The following TET1 variants were observed in gnomAD, a reference collection of about 807,000 sequenced individuals.
The protein encoded by TET1 is tet methylcytosine dioxygenase 1, also known as methylcytosine dioxygenase TET1.
A neutral mutation model predicts 148.7 loss-of-function variants in TET1; 13 were observed. The ratio of observed to expected loss-of-function variants is 0.09; its 90% confidence interval spans 0.06 to 0.14. The LOEUF (loss-of-function observed/expected upper bound fraction) is 0.14. Among genes scored for constraint, TET1 ranks in the 10% least tolerant of loss-of-function variants. TET1 has a pLI of 1.00. For missense variants in TET1, 2,182 were observed against 2,553.8 expected (o/e 0.85, Z 3.14); for synonymous variants, 907 against 937.2 (o/e 0.97, Z 0.59).
intron 6 of TET1, among the ~76,000 whole-genome samples, chr10:68,662,864 T>C (rs1336075185): frequency 6.6e-6 from 1 of 152,118 alleles, no homozygotes; most frequent in Non-Finnish European, 1.5e-5. Context: ...CTGCATACAG[T>C]GAGCCATGAT....
intron 11 of TET1, among the ~76,000 whole-genome samples, chr10:68,687,123 T>A (rs1418495943): frequency 6.6e-6 from 1 of 151,330 alleles, no homozygotes. Context: ...TCCTGACCTC[T>A]TGATCCGCCC....
At chr10:68,595,870 C>A (rs2053972463) in intron 2 of TET1, among the ~76,000 whole-genome samples, 4 of 110,352 alleles carry the variant, frequency 3.6e-5, no homozygotes, top group Admixed American at 2.0e-4. Flanking sequence ...CCCGCCATGG[C>A]CTCCCAAAGT....
At chr10:68,587,749 T>A (rs1270759193) in intron 2 of TET1, among the ~76,000 whole-genome samples, 1 of 152,198 alleles carries the variant, frequency 6.6e-6, no homozygotes, top group Non-Finnish European at 1.5e-5. Flanking sequence ...AACATTTTTT[T>A]GAGGGGCAGA....
intron 3 of TET1, among the ~76,000 whole-genome samples, chr10:68,606,609 A>AC (rs2054128681): frequency 6.8e-6 from 1 of 147,772 alleles, no homozygotes; most frequent in Admixed American, 6.8e-5. Context: ...ACAAAAACAA[A>AC]AAAAAAAACA....
chr10:68,632,521 T>A, intron 3 of TET1: 1 of 1,612,676 alleles, frequency 6.2e-7, no homozygotes. Flanking sequence ...ACATTTTTTG[T>A]TCACTAGTAG....
chr10:68,633,368 G>T (rs564926353), intron 3 of TET1, among the ~76,000 whole-genome samples: 16 of 148,314 alleles, frequency 1.1e-4, no homozygotes, highest in South Asian at 4.3e-4. Flanking sequence ...TTTATACTGG[G>T]TTTTTTTTTT....
Position 68,573,955 on chromosome 10 carries a change from C to G in TET1, c.1617C>G (p.Ser539Arg), listed in dbSNP as rs760230649. ...CCCAACTCTCTCAGGCTGGTCCTAG[C>G]AAATCAGACAGAGGGAGCTCCCAGG... ...GIAQLSQAGP[S>R]KSDRGSSQVS... The change falls in exon 2 of 12, where the codon AGC (serine) becomes AGG (arginine). Residue 539 changes from serine to arginine, a missense_variant. Ser to Arg is a moderately radical substitution (Grantham distance 110, BLOSUM62 -1). Transcript: ENST00000373644. 6.2e-7 allele frequency: 1 copy of G among 1,614,064 alleles called. No homozygotes were observed. The highest frequency in any genetic ancestry group is 1.3e-5 in the African/African-American group (1 of 74,924).
At chr10:68,576,252 C>T (rs1664951636) in intron 2 of TET1, among the ~76,000 whole-genome samples, 1 of 150,916 alleles carries the variant, frequency 6.6e-6, no homozygotes, top group Non-Finnish European at 1.5e-5. Context: ...TTTGGAGGCT[C>T]AGGCACAAGA....
intron 3 of TET1, among the ~76,000 whole-genome samples, chr10:68,609,212 A>T (rs1374676906): frequency 1.3e-5 from 2 of 151,672 alleles, no homozygotes; most frequent in African/African-American, 4.9e-5. Context: ...CCCAGGCTGG[A>T]GTGCAATGGC....
chr10:68,652,693 C>T, intron 6 of TET1, 99 bp downstream of exon 6: 1 of 825,272 alleles, frequency 1.2e-6, no homozygotes, highest in African/African-American at 1.8e-5. Flanking sequence ...TTTATTTATT[C>T]ATTTATTTAT....
At chr10:68,627,692 C>T (rs770441429) in intron 3 of TET1, among the ~76,000 whole-genome samples, 7 of 151,392 alleles carry the variant, frequency 4.6e-5, no homozygotes, top group Non-Finnish European at 8.8e-5. Context: ...TCTGGGAGGC[C>T]GAGACGGCAA....
At chr10:68,597,200 A>G (rs1392124718) in intron 2 of TET1, among the ~76,000 whole-genome samples, 1 of 151,556 alleles carries the variant, frequency 6.6e-6, no homozygotes, top group Non-Finnish European at 1.5e-5. Context: ...CTCCTGGCTA[A>G]TTTTTGTATT....
At position 68,572,633 on chromosome 10, in the gene TET1, T is replaced by A. The variant is rs2053682810; in HGVS notation, c.295T>A (p.Cys99Ser). 6.2e-7 allele frequency: 1 copy of A among 1,614,146 alleles called. No individual in the cohort carries two copies. The highest frequency in any genetic ancestry group is 1.3e-5 in the African/African-American group (1 of 75,024). ...VLFQNPESLT[C>S]NGFTMALRST... ...TTTTCAGAACCCAGAGTCCTTAACC[T>A]GCAATGGGTTTACAATGGCGCTACG... The change falls in exon 2 of 12, where the codon TGC (cysteine) becomes AGC (serine). Residue 99 changes from cysteine (C) to serine (S), a missense_variant. This residue lies in a region of TET1 where 665 missense variants were observed against 672.4 expected (regional missense o/e 0.99). Coordinates refer to ENST00000373644, the MANE Select transcript of TET1 (RefSeq NM_030625.3).
intron 2 of TET1, among the ~76,000 whole-genome samples, chr10:68,597,902 C>G (rs2132862356): frequency 1.3e-5 from 2 of 152,124 alleles, no homozygotes; most frequent in East Asian, 3.9e-4. Flanking sequence ...ATAGGAGGTA[C>G]TTAGAGTAGT....
Position 68,573,767 on chromosome 10 carries a change from C to T in TET1, c.1429C>T (p.Pro477Ser), listed in dbSNP as rs1461980547. The change falls in exon 2 of 12, where the codon CCT becomes TCT. Residue 477 changes from proline to serine, a missense_variant. This residue lies in a region of TET1 where 665 missense variants were observed against 672.4 expected (regional missense o/e 0.99). Coordinates refer to ENST00000373644, the MANE Select transcript of TET1 (RefSeq NM_030625.3). ...TTTGCCTTTGGGCTCAGGACACACT[C>T]CTCAATCATCATCAAACTCAGAGAA... The part of the protein sequence containing the change: ...QILPLGSGHT[P>S]QSSSNSEKNS... 1.2e-6 allele frequency: 2 copies of T among 1,614,092 alleles called. No homozygotes were observed. The highest frequency in any genetic ancestry group is 1.6e-4 in the Middle Eastern group (1 of 6,062).
At chr10:68,638,360 T>C (rs754173989) in intron 3 of TET1, among the ~76,000 whole-genome samples, 5 of 152,238 alleles carry the variant, frequency 3.3e-5, no homozygotes, top group Non-Finnish European at 7.3e-5. Flanking sequence ...GTGTTTCACA[T>C]AATACTTTGT....
chr10:68,673,437 G>T, intron 8 of TET1: 1 of 411,824 alleles, frequency 2.4e-6, no homozygotes, highest in Non-Finnish European at 4.9e-6. Context: ...ACGTAATCCA[G>T]AAAGAAGATA....
intron 2 of TET1, among the ~76,000 whole-genome samples, chr10:68,588,244 A>G (rs1221118965): frequency 6.6e-6 from 1 of 152,162 alleles, no homozygotes; most frequent in Admixed American, 6.6e-5. Flanking sequence ...CAGACTCACA[A>G]AGTGCAGGGA....
chr10:68,566,274 A>G (rs1020688260), intron 1 of TET1, among the ~76,000 whole-genome samples: 1 of 152,222 alleles, frequency 6.6e-6, no homozygotes, highest in Non-Finnish European at 1.5e-5. Flanking sequence ...CAAGAGAGAA[A>G]GCATGCTTTT....
Sources: gnomAD v4.1 joint callset for allele counts (sites outside exome capture counted in the v4.1 genomes callset) on GRCh38, gnomAD v4.1.1 for gene constraint, gnomAD v4.1.1 regional missense constraint, MANE v1.5 for transcripts, NCBI Gene and HGNC (gene_info 2026-07-23, HGNC 2026-07-21) for gene names.